TAFA5: variants seen among roughly 807,000 people sequenced by gnomAD.
TAFA5 encodes chemokine-like protein TAFA-5.
In TAFA5, 6 loss-of-function variants were observed where a neutral mutation model predicts 15.3. The observed-to-expected ratio is 0.39, with a 90% CI of 0.21 to 0.77. The LOEUF (loss-of-function observed/expected upper bound fraction) is 0.77, where lower values mean the gene tolerates loss of function less well. TAFA5 is among the 30% of genes least tolerant of loss of function. TAFA5 has a pLI of 0.41. For missense variants in TAFA5, 161 were observed against 193.1 expected, an observed-to-expected ratio of 0.83 and a Z score of 0.98; for synonymous variants, 103 against 80.7, an observed-to-expected ratio of 1.28 and a Z score of -1.48.
At chr22:48,668,855 C>G (rs6010575) in intron 2 of TAFA5, among the ~76,000 whole-genome samples, 23 of 151,128 alleles carry the variant, frequency 1.5e-4, no homozygotes, top group Non-Finnish European at 3.0e-4. Flanking sequence ...GAGGCTGCTG[C>G]GGGGGGTCTC....
intron 2 of TAFA5, among the ~76,000 whole-genome samples, chr22:48,698,477 G>A (rs1483946751): frequency 6.6e-6 from 1 of 151,798 alleles, no homozygotes; most frequent in Non-Finnish European, 1.5e-5. Flanking sequence ...GGTAGTGAAG[G>A]TGATGATAGG....
intron 3 of TAFA5, among the ~76,000 whole-genome samples, chr22:48,746,582 G>A (rs1930334355): frequency 6.6e-6 from 1 of 152,234 alleles, no homozygotes; most frequent in Non-Finnish European, 1.5e-5. Flanking sequence ...GTGGGTGTGT[G>A]TTTACACATG....
intron 2 of TAFA5, among the ~76,000 whole-genome samples, chr22:48,665,232 GCGT>G (rs1430557920): frequency 6.6e-6 from 1 of 151,960 alleles, no homozygotes; most frequent in African/African-American, 2.4e-5. Context: ...GTGTTCATTT[GCGT>G]CTTCCACTCA....
intron 1 of TAFA5, among the ~76,000 whole-genome samples, chr22:48,575,876 G>A (rs904498221): frequency 1.4e-5 from 2 of 143,368 alleles, no homozygotes; most frequent in African/African-American, 5.0e-5. Context: ...CGCCGCGGCG[G>A]CGGTGGCGGC....
chr22:48,514,028 C>T (rs1601842755), intron 1 of TAFA5, among the ~76,000 whole-genome samples: 3 of 152,084 alleles, frequency 2.0e-5, no homozygotes, highest in South Asian at 2.1e-4. Flanking sequence ...GCAGGTCTCT[C>T]GGGGGTGTAG....
rs146686233 is a variant in TAFA5 at position 48,709,220 on chromosome 22, A to G, written c.390+1376A>G. The stretch of plus-strand genomic sequence containing the variant: ...CCACCCCGAGGCATGCGGACAGGAC[A>G]GGAGATGAGGGACGTGGGTTGCTCT... On this transcript the variant is annotated intron_variant, in intron 3 of 3. Coordinates refer to ENST00000402357, the MANE Select transcript of TAFA5 (RefSeq NM_001082967.3). Among the ~76,000 whole-genome samples the G allele has an allele frequency of 9.5e-3, 1,450 of 152,274 alleles. 13 individuals carry two copies. Among genetic ancestry groups the G allele is most frequent in the Admixed American group, 0.014 (215 of 15,298 alleles).
At position 48,559,550 on chromosome 22, in the gene TAFA5, C is replaced by T. The variant is rs112136475; in HGVS notation, c.112+69846C>T. ...GCTGATGGAGGAAGGTGGGCCCCTTCCCCCCTGGTCTCCACGTCCCCAAGG... is the reference window on the plus strand; with the variant it reads ...GCTGATGGAGGAAGGTGGGCCCCTTTCCCCCTGGTCTCCACGTCCCCAAGG... On this transcript the variant is annotated intron_variant, in intron 1 of 3. Coordinates refer to ENST00000402357, the MANE Select transcript of TAFA5 (RefSeq NM_001082967.3). Among the ~76,000 whole-genome samples the T allele has an allele frequency of 2.2e-3, 330 of 152,240 alleles. 3 individuals are homozygous for T. Among genetic ancestry groups the T allele is most frequent in the African/African-American group, 7.1e-3 (294 of 41,560 alleles).
chr22:48,721,441 C>T (rs756356763), intron 3 of TAFA5, among the ~76,000 whole-genome samples: 2 of 152,332 alleles, frequency 1.3e-5, no homozygotes, highest in Admixed American at 6.5e-5. Flanking sequence ...CCGTTGGAAC[C>T]GGTGCCACTG....
At chr22:48,608,176 C>T (rs940511923) in intron 1 of TAFA5, among the ~76,000 whole-genome samples, 1 of 152,068 alleles carries the variant, frequency 6.6e-6, no homozygotes, top group African/African-American at 2.4e-5. Context: ...GACCCACCAC[C>T]GACGCTGATT....
intron 1 of TAFA5, among the ~76,000 whole-genome samples, chr22:48,562,755 G>A (rs1332187870): frequency 6.6e-6 from 1 of 152,156 alleles, no homozygotes; most frequent in Non-Finnish European, 1.5e-5. Flanking sequence ...GTTAATGGTG[G>A]GTCAGGGCGG....
chr22:48,582,181 C>T (rs1219920790), intron 1 of TAFA5, among the ~76,000 whole-genome samples: 1 of 151,962 alleles, frequency 6.6e-6, no homozygotes, highest in Non-Finnish European at 1.5e-5. Flanking sequence ...CGGTGCCCCC[C>T]AACAGAGACA....
chr22:48,649,986 T>C (rs4261817), intron 2 of TAFA5, among the ~76,000 whole-genome samples: 80,143 of 152,018 alleles, frequency 0.53, 21,581 homozygotes, highest in African/African-American at 0.62. Context: ...AAAACCGTAC[T>C]GTTTTCAAGG....
chr22:48,749,436 A>C (rs1232254380), intron 3 of TAFA5, among the ~76,000 whole-genome samples: 1 of 152,198 alleles, frequency 6.6e-6, no homozygotes, highest in African/African-American at 2.4e-5. Flanking sequence ...TGAGCTCTGC[A>C]GTCTGTGGCC....
At chr22:48,654,169 G>A (rs954903191) in intron 2 of TAFA5, among the ~76,000 whole-genome samples, 1 of 152,132 alleles carries the variant, frequency 6.6e-6, no homozygotes, top group Non-Finnish European at 1.5e-5. Flanking sequence ...TTTCATAAGG[G>A]AGGCTCTTTC....
At chr22:48,700,502 G>T (rs130128) in intron 2 of TAFA5, among the ~76,000 whole-genome samples, 4 of 151,986 alleles carry the variant, frequency 2.6e-5, no homozygotes, top group Non-Finnish European at 5.9e-5. Flanking sequence ...AAAGCCAGTA[G>T]AGTCTTAAGG....
At chr22:48,588,406 T>C (rs1366170185) in intron 1 of TAFA5, among the ~76,000 whole-genome samples, 1 of 152,174 alleles carries the variant, frequency 6.6e-6, no homozygotes, top group Non-Finnish European at 1.5e-5. Context: ...TGGATGGGGC[T>C]GCACTGCCCG....
intron 2 of TAFA5, among the ~76,000 whole-genome samples, chr22:48,646,964 C>T (rs1378798326): frequency 2.0e-5 from 3 of 152,056 alleles, no homozygotes; most frequent in Non-Finnish European, 2.9e-5. Flanking sequence ...GGGGAGTGGT[C>T]GGGGAGATGC....
chr22:48,713,825 G>T (rs563034312), intron 3 of TAFA5, among the ~76,000 whole-genome samples: 20 of 152,330 alleles, frequency 1.3e-4, no homozygotes, highest in African/African-American at 4.3e-4. Context: ...CCCAGGAAAG[G>T]CATCTGTGCG....
chr22:48,674,212 C>T (rs868103776), intron 2 of TAFA5, among the ~76,000 whole-genome samples: 3 of 152,176 alleles, frequency 2.0e-5, no homozygotes, highest in African/African-American at 4.8e-5. Context: ...ACTTTGCTCC[C>T]GGCTGCAGGC....
Sources: allele counts gnomAD v4.1 joint callset (sites outside exome capture counted in the v4.1 genomes callset), GRCh38; gene constraint gnomAD v4.1.1; transcripts MANE v1.5; gene names NCBI Gene and HGNC (gene_info 2026-07-23, HGNC 2026-07-21).